The following MCM5 variants were observed in gnomAD, a reference collection of about 807,000 sequenced individuals.
MCM5 encodes the protein DNA replication licensing factor MCM5.
A neutral mutation model predicts 79.9 loss-of-function variants in MCM5; 46 were observed. That is an observed-to-expected ratio of 0.58 (90% confidence interval 0.45 to 0.74). The LOEUF is 0.74. Among genes scored for constraint, MCM5 ranks in the 30% least tolerant of loss-of-function variants. The pLI, the probability that MCM5 is intolerant of heterozygous loss-of-function variation, is 0.00. For missense variants in MCM5, 883 were observed against 1,017.0 expected, an observed-to-expected ratio of 0.87 and a Z score of 1.79; for synonymous variants, 404 against 390.5, an observed-to-expected ratio of 1.03 and a Z score of -0.41.
At chr22:35,454,885 C>T in the MCM5 span, among the ~76,000 whole-genome samples, 30 of 152,198 alleles carry the variant, frequency 2.0e-4, no homozygotes, top group African/African-American at 6.7e-4. Context: ...CACTAGATGC[C>T]AGTAGCATCC....
At chr22:35,405,820 G>C (rs1336970548) in intron 4 of MCM5, among the ~76,000 whole-genome samples, 6 of 150,360 alleles carry the variant, frequency 4.0e-5, no homozygotes, top group Non-Finnish European at 1.5e-5. Flanking sequence ...GACCAGCCTG[G>C]CCAACATAGT....
chr22:35,424,042 T>C (rs1027888368), intron 16 of MCM5, 112 bp from the exon 17 acceptor site: 4 of 670,874 alleles, frequency 6.0e-6, no homozygotes, highest in East Asian at 2.9e-5. Context: ...GTGTGGGCCC[T>C]TTAGGTCAAA....
the MCM5 span, among the ~76,000 whole-genome samples, chr22:35,445,324 G>GTTTT: frequency 2.0e-4 from 9 of 44,358 alleles, no homozygotes; most frequent in South Asian, 1.1e-3. Context: ...ATTTGACTAT[G>GTTTT]CTTTTTTTTT....
chr22:35,429,967 T>A (rs1332643041), downstream of MCM5, among the ~76,000 whole-genome samples: 1 of 152,172 alleles, frequency 6.6e-6, no homozygotes, highest in African/African-American at 2.4e-5. Context: ...TCCGTGTCTG[T>A]AAAATGGGTC....
intron 16 of MCM5, 183 bp downstream of exon 16, chr22:35,423,524 G>A (rs1157934475): frequency 7.4e-6 from 4 of 543,356 alleles, no homozygotes; most frequent in South Asian, 4.3e-5. Context: ...TCTTCATCAG[G>A]AGCAGGGATG....
At chr22:35,423,036 A>C in intron 15 of MCM5, 178 bp from the exon 16 acceptor site, 1 of 508,554 alleles carries the variant, frequency 2.0e-6, no homozygotes, top group Non-Finnish European at 3.4e-6. Context: ...GTGTCCCCAC[A>C]TGTGCCATAT....
intron 12 of MCM5, 38 bp from the exon 13 acceptor site, chr22:35,417,706 G>A (rs749214693): frequency 1.4e-5 from 20 of 1,435,734 alleles, no homozygotes; most frequent in South Asian, 6.9e-5. Context: ...GGCTTGGGAC[G>A]GCCTGTGGGA....
chr22:35,402,129 C>T lies in MCM5; in HGVS notation c.168-1078C>T, dbSNP rs536555459. 1.1e-4 allele frequency among the ~76,000 whole-genome samples: 16 copies of T among 152,220 alleles called. No homozygotes were observed. The South Asian group carries it at 1.9e-3, about 18-fold the overall frequency. On this transcript the variant is annotated intron_variant, in intron 2 of 16. Transcript: ENST00000216122. ...TGCTCTGCTAAGCATCTGGGCTGGA[C>T]GCAGTGGCTCATGCTTGTAATTCCG...
the MCM5 span, among the ~76,000 whole-genome samples, chr22:35,439,481 A>C: frequency 7.1e-6 from 1 of 140,550 alleles, no homozygotes; most frequent in Non-Finnish European, 1.5e-5. Flanking sequence ...CCACATATTC[A>C]TCCATCCATC....
the MCM5 span, among the ~76,000 whole-genome samples, chr22:35,442,449 AG>A: frequency 1.3e-5 from 2 of 152,140 alleles, no homozygotes; most frequent in African/African-American, 2.4e-5. Context: ...GGAGGTCAGA[AG>A]TTCAAAATCA....
At chr22:35,430,383 G>T (rs575725573), downstream of MCM5, among the ~76,000 whole-genome samples, 1 of 152,352 alleles carries the variant, frequency 6.6e-6, no homozygotes, top group African/African-American at 2.4e-5. Context: ...GTGGGCACCT[G>T]GTGCCCGCTG....
chr22:35,449,548 A>ACCATGGCCTCTCTGTCCCAG, the MCM5 span, among the ~76,000 whole-genome samples: 2 of 149,580 alleles, frequency 1.3e-5, no homozygotes, highest in African/African-American at 5.0e-5. Context: ...CTGTGTCCCA[A>ACCATGGCCTCTCTGTCCCAG]CCGTGGCCTC....
intron 16 of MCM5, 40 bp from the exon 17 acceptor site, chr22:35,424,114 C>G (rs745660177): frequency 7.2e-7 from 1 of 1,384,778 alleles, no homozygotes; most frequent in Non-Finnish European, 1.0e-6. Flanking sequence ...GGAGTCCCCT[C>G]GGGCAGCACG....
In MCM5 at chr22:35,406,702, T is replaced by C. The variant is rs1241120824; in HGVS notation, c.573T>C (p.Tyr191=). 1.9e-6 allele frequency: 3 copies of C among 1,609,162 alleles called. No individual in the cohort carries two copies. In the South Asian group the frequency reaches 3.3e-5, roughly 18 times the overall value. Reference sequence around the variant, plus strand: ...CCATGCGCCCTGGCCTCGAGGGCTATGCCCTGCCCAGGAAGTGCAACACGT... The same window carrying C: ...CCATGCGCCCTGGCCTCGAGGGCTACGCCCTGCCCAGGAAGTGCAACACGT... ...NIAMRPGLEG[Y]ALPRKCNTDQ... Residue 191 remains tyrosine, a synonymous_variant, in exon 5 of 17, where the codon TAT becomes TAC. Transcript: ENST00000216122.
chr22:35,402,285 T>C (rs992281173), intron 2 of MCM5, among the ~76,000 whole-genome samples: 3 of 152,106 alleles, frequency 2.0e-5, no homozygotes, highest in Admixed American at 1.3e-4. Flanking sequence ...GCAGATGTGT[T>C]TTCTGCTGCC....
At chr22:35,441,123 G>A in the MCM5 span, among the ~76,000 whole-genome samples, 5 of 152,188 alleles carry the variant, frequency 3.3e-5, no homozygotes, top group Admixed American at 3.3e-4. Flanking sequence ...GTCCAAGGTG[G>A]GCCCTGCGCA....
downstream of MCM5, among the ~76,000 whole-genome samples, chr22:35,429,699 C>T (rs1037493314): frequency 1.3e-5 from 2 of 152,044 alleles, no homozygotes; most frequent in African/African-American, 4.8e-5. Context: ...CTGTAGCTGG[C>T]TAATTTTTGT....
chr22:35,416,511 CTGTGTGTGTGTGTGTGTGTGTGTGTGTG>C lies in MCM5; in HGVS notation c.1414-93_1414-66del, dbSNP rs133421. On this transcript the variant is annotated intron_variant, in intron 11 of 16. Coordinates refer to ENST00000216122, the MANE Select transcript of MCM5 (RefSeq NM_006739.4). Reference sequence around the variant, plus strand: ...AGTTCTCTTTGCCCAGGCCTAGAATCTGTGTGTGTGTGTGTGTGTGTGTGTGTGTGTGTGTGTGTGTGTGTGTGTGTGT... The same window carrying C: ...AGTTCTCTTTGCCCAGGCCTAGAATCTGTGTGTGTGTGTGTGTGTGTGTGT... 2.4e-3 allele frequency: 2,485 copies of C among 1,024,282 alleles called. 5 individuals are homozygous for C. The highest frequency in any genetic ancestry group is 2.3e-3 in the Non-Finnish European group (1,618 of 709,292). The allele number at this position is 1,024,282 out of a possible 1,614,324, so 63.4% of individuals were successfully genotyped here.
chr22:35,401,276 C>G (rs977772431), intron 2 of MCM5: 1 of 412,728 alleles, frequency 2.4e-6, no homozygotes, highest in Non-Finnish European at 5.1e-6. Flanking sequence ...CATGTCATGT[C>G]TGAGACCTTA....
Sources: gnomAD v4.1 joint callset for allele counts (sites outside exome capture counted in the v4.1 genomes callset) on GRCh38, gnomAD v4.1.1 for gene constraint, MANE v1.5 for transcripts, NCBI Gene and HGNC (gene_info 2026-07-23, HGNC 2026-07-21) for gene names.